Variants in PGM2 observed in about 807,000 individuals in gnomAD.
The protein encoded by PGM2 is phosphoglucomutase 2.
In PGM2, 57 loss-of-function variants were observed where a neutral mutation model predicts 74.6. The observed-to-expected ratio is 0.76, with a 90% CI of 0.62 to 0.95. The LOEUF (loss-of-function observed/expected upper bound fraction) is 0.95. Among genes scored for constraint, PGM2 ranks in the 40% least tolerant of loss-of-function variants. PGM2 has a pLI of 0.00. For synonymous variants in PGM2, 273 were observed against 260.7 expected (o/e 1.05, Z -0.46); for missense variants, 706 against 741.9 (o/e 0.95, Z 0.56).
At chr4:37,859,919 T>A (rs1711707066) in intron 13 of PGM2, among the ~76,000 whole-genome samples, 1 of 152,208 alleles carries the variant, frequency 6.6e-6, no homozygotes, top group Non-Finnish European at 1.5e-5. Flanking sequence ...TTTTTAAAGA[T>A]GTTATGAAAT....
At chr4:37,836,085 C>T (rs920601248) in intron 3 of PGM2, among the ~76,000 whole-genome samples, 4 of 152,192 alleles carry the variant, frequency 2.6e-5, no homozygotes, top group Non-Finnish European at 2.9e-5. Flanking sequence ...TGCTGAGCTG[C>T]GTAAATTTCT....
chr4:37,843,980 C>T (rs1725797840), intron 6 of PGM2, among the ~76,000 whole-genome samples: 1 of 152,068 alleles, frequency 6.6e-6, no homozygotes, highest in Non-Finnish European at 1.5e-5. Flanking sequence ...ATTTGGGAAC[C>T]TGTCGCTTTG....
rs1322780557 is a variant in PGM2 at position 37,840,126 on chromosome 4, A to G, written c.586A>G (p.Ile196Val). 1.2e-6 allele frequency: 2 copies of G among 1,613,734 alleles called. No homozygotes were observed. Among genetic ancestry groups the G allele is most frequent in the Non-Finnish European group, 8.5e-7 (1 of 1,179,770 alleles). Residue 196 changes from isoleucine to valine, a missense_variant, in exon 6 of 14, where the codon ATT becomes GTT. Coordinates refer to ENST00000381967, the MANE Select transcript of PGM2 (RefSeq NM_018290.4). Reference sequence around the variant, plus strand: ...TCACGATAAAGGGATTTCTCAAGCTATTGAAGAAAATCTAGAACCGTGGCC... The same window carrying G: ...TCACGATAAAGGGATTTCTCAAGCTGTTGAAGAAAATCTAGAACCGTGGCC... ...SPHDKGISQA[I>V]EENLEPWPQA...
chr4:37,834,790 T>TAGA, intron 3 of PGM2, 66 bp downstream of exon 3: 1 of 766,036 alleles, frequency 1.3e-6, no homozygotes, highest in Admixed American at 2.2e-5. Context: ...TTAATCACCA[T>TAGA]CTCAATAACT....
In PGM2 at chr4:37,861,498, C is replaced by T; in HGVS notation, c.1737-12C>T. 6.3e-7 allele frequency: 1 copy of T among 1,582,098 alleles called. No homozygotes were observed. The highest frequency in any genetic ancestry group is 1.3e-5 in the African/African-American group (1 of 74,358). ...TCCCTTGACCTGGATTTTTTTCCCC[C>T]TTATTTTCCAGTGATCCTGAGCAGC... On this transcript the variant is annotated splice_polypyrimidine_tract_variant and intron_variant, in intron 13 of 13. Coordinates refer to ENST00000381967, the MANE Select transcript of PGM2 (RefSeq NM_018290.4).
chr4:37,847,598 G>C (rs1345257872), intron 10 of PGM2: 3 of 348,056 alleles, frequency 8.6e-6, no homozygotes, highest in African/African-American at 6.4e-5. Flanking sequence ...CCACTGTGGT[G>C]GTTAATATCC....
chr4:37,838,117 G>T (rs931415098), intron 4 of PGM2, among the ~76,000 whole-genome samples: 1 of 152,170 alleles, frequency 6.6e-6, no homozygotes, highest in Non-Finnish European at 1.5e-5. Context: ...CTGGCCTCAG[G>T]TGATCCACCC....
chr4:37,855,589 T>C lies in PGM2; in HGVS notation c.1603-19T>C. 1 of 1,607,616 alleles carries C rather than the reference T, an allele frequency of 6.2e-7. No individual in the cohort carries two copies. Among genetic ancestry groups the C allele is most frequent in the Non-Finnish European group, 8.5e-7 (1 of 1,176,642 alleles). On this transcript the variant is annotated intron_variant, in intron 12 of 13. Transcript: ENST00000381967. ...AGAATGTTACTATTTAAATTTATAA[T>C]GTGTGCATTAATTCCTAGGTTCTTC...
chr4:37,846,579 T>C (rs1345476647), intron 8 of PGM2, among the ~76,000 whole-genome samples: 1 of 152,218 alleles, frequency 6.6e-6, no homozygotes, highest in Non-Finnish European at 1.5e-5. Flanking sequence ...CAAAACTTAC[T>C]CTATATATGG....
At chr4:37,845,751 C>T (rs753142868) in intron 8 of PGM2, 21 bp downstream of exon 8, 1 of 1,389,632 alleles carries the variant, frequency 7.2e-7, no homozygotes, top group Non-Finnish European at 1.0e-6. Flanking sequence ...TTGTGATTAC[C>T]TATATTATAG....
At chr4:37,840,420 G>T (rs1358848157) in intron 6 of PGM2, among the ~76,000 whole-genome samples, 161 bp downstream of exon 6, 1 of 152,180 alleles carries the variant, frequency 6.6e-6, no homozygotes, top group Non-Finnish European at 1.5e-5. Context: ...GTCTCACTGT[G>T]TCACCCAGGC....
rs34801450 is a variant in PGM2, at chr4:37,850,990, C to CAAAAA, written c.1602+632_1602+636dup. ...TGGGTGACAGAGCAAGACTTCATCT[C>CAAAAA]AAAAAAAAAAAAAAAAAAAGAGGAA... On this transcript the variant is annotated intron_variant, in intron 12 of 13. Transcript: ENST00000381967. Among the ~76,000 whole-genome samples, 12 of 107,304 alleles carry CAAAAA rather than the reference C, an allele frequency of 1.1e-4. 1 individual carries two copies. The highest frequency in any genetic ancestry group is 3.5e-4 in the African/African-American group (9 of 25,832). 70.4% of individuals were successfully genotyped at this position (107,304 alleles called of 152,430 possible). A position where few individuals can be genotyped will look rare whatever the true frequency, so the allele number is the denominator to read the frequency against.
At chr4:37,858,347 G>T (rs76471493) in intron 13 of PGM2, among the ~76,000 whole-genome samples, 2 of 102,028 alleles carry the variant, frequency 2.0e-5, no homozygotes, top group African/African-American at 1.0e-4. Context: ...TTTGTTTTTT[G>T]TTTTTTTTTT....
intron 4 of PGM2, among the ~76,000 whole-genome samples, chr4:37,839,186 T>C (rs752331314): frequency 1.5e-4 from 22 of 150,246 alleles, no homozygotes; most frequent in Non-Finnish European, 3.0e-4. Context: ...TGGCAGGATC[T>C]TGGCTCACTG....
rs60423053 is a variant in PGM2 at position 37,839,111 on chromosome 4, ATTTT to A, written c.442-716_442-713del. Among the ~76,000 whole-genome samples the A allele has an allele frequency of 6.0e-3, 569 of 94,642 alleles. 3 individuals carry two copies. Among genetic ancestry groups the A allele is most frequent in the African/African-American group, 0.019 (475 of 24,588 alleles). The allele number at this position is 94,642 out of a possible 152,430, so 62.1% of individuals were successfully genotyped here. A position where few individuals can be genotyped will look rare whatever the true frequency, so the allele number is the denominator to read the frequency against. On this transcript the variant is annotated intron_variant, in intron 4 of 13. Coordinates refer to ENST00000381967, the MANE Select transcript of PGM2 (RefSeq NM_018290.4). ...GTAAGAGCATTCTCCATTCCCTCAA[ATTTT>A]TTTTTTTTTTTTTTTTTTTTGAGAC...
At chr4:37,847,364 A>T in intron 10 of PGM2, 69 bp downstream of exon 10, 3 of 1,141,260 alleles carry the variant, frequency 2.6e-6, no homozygotes, top group Non-Finnish European at 3.9e-6. Flanking sequence ...ATTGGGATTC[A>T]AAGATCCACA....
chr4:37,856,245 C>T (rs540038326), intron 13 of PGM2, among the ~76,000 whole-genome samples: 7 of 151,800 alleles, frequency 4.6e-5, no homozygotes, highest in African/African-American at 7.3e-5. Flanking sequence ...ATTAGCCGGG[C>T]GTGGTGGCGG....
intron 10 of PGM2, 64 bp downstream of exon 10, chr4:37,847,359 G>A (rs1725906019): frequency 8.4e-7 from 1 of 1,195,280 alleles, no homozygotes; most frequent in African/African-American, 1.5e-5. Context: ...TTTGGATTGG[G>A]ATTCAAAGAT....
chr4:37,835,226 A>G (rs893052909), intron 3 of PGM2, among the ~76,000 whole-genome samples: 3 of 152,226 alleles, frequency 2.0e-5, no homozygotes, highest in African/African-American at 7.2e-5. Flanking sequence ...CCTCACAGCA[A>G]CGTGTAAGGT....
Sources: gnomAD v4.1 joint callset for allele counts (sites outside exome capture counted in the v4.1 genomes callset) on GRCh38, gnomAD v4.1.1 for gene constraint, MANE v1.5 for transcripts, NCBI Gene and HGNC (gene_info 2026-07-23, HGNC 2026-07-21) for gene names.